Variants in CACNB4 observed in about 807,000 individuals in gnomAD.
CACNB4 encodes calcium voltage-gated channel auxiliary subunit beta 4.
In CACNB4, 32 loss-of-function variants were observed where a neutral mutation model predicts 71.2. That is an observed-to-expected ratio of 0.45 (90% CI 0.34 to 0.60). The LOEUF (loss-of-function observed/expected upper bound fraction) is 0.60, where lower values mean the gene tolerates loss of function less well. CACNB4 is among the 20% of genes least tolerant of loss of function. The pLI, the probability that CACNB4 is intolerant of heterozygous loss-of-function variation, is 0.01. For missense variants in CACNB4, 464 were observed against 647.9 expected, an observed-to-expected ratio of 0.72 and a Z score of 3.08; for synonymous variants, 231 against 236.9, an observed-to-expected ratio of 0.97 and a Z score of 0.23.
At chr2:151,925,160 G>A (rs553615598) in intron 2 of CACNB4, among the ~76,000 whole-genome samples, 9 of 152,284 alleles carry the variant, frequency 5.9e-5, no homozygotes, top group Admixed American at 2.0e-4. Context: ...GTGAACAAAT[G>A]ACTTAATTAA....
chr2:151,872,547 A>T (rs1180394613), intron 5 of CACNB4, 54 bp from the exon 6 acceptor site: 1 of 957,254 alleles, frequency 1.0e-6, no homozygotes, highest in East Asian at 2.4e-5. Flanking sequence ...TTGAAAATAG[A>T]ACTTGAGAGT....
At chr2:152,044,099 T>C (rs1474756261) in intron 2 of CACNB4, among the ~76,000 whole-genome samples, 1 of 152,212 alleles carries the variant, frequency 6.6e-6, no homozygotes, top group Non-Finnish European at 1.5e-5. Flanking sequence ...AAAATCCAAC[T>C]AAATTACTGA....
At chr2:151,880,565 A>G in intron 4 of CACNB4, 1 of 518,674 alleles carries the variant, frequency 1.9e-6, no homozygotes, top group East Asian at 3.6e-5. Flanking sequence ...TCAGAAATCT[A>G]TGCTATAATT....
In CACNB4 at chr2:152,066,127, A is replaced by T. The variant is rs1686305438; in HGVS notation, c.147+32203T>A. 3.9e-5 allele frequency among the ~76,000 whole-genome samples: 6 copies of T among 152,284 alleles called. No homozygotes were observed. The South Asian group carries it at 1.2e-3, about 32-fold the overall frequency. ...CCACATCTTACTCCAGCCTCTGCTGACGTGGCCACGTACATGCAGGCTCAA... is the reference window on the plus strand; with the variant it reads ...CCACATCTTACTCCAGCCTCTGCTGTCGTGGCCACGTACATGCAGGCTCAA... On this transcript the variant is annotated intron_variant, in intron 2 of 13. Coordinates refer to ENST00000539935, the MANE Select transcript of CACNB4 (RefSeq NM_000726.5).
At chr2:151,992,270 G>A (rs189677144) in intron 2 of CACNB4, among the ~76,000 whole-genome samples, 68 of 152,354 alleles carry the variant, frequency 4.5e-4, no homozygotes, top group Admixed American at 1.6e-3. Flanking sequence ...CACCCAAAAA[G>A]TGCCAGCCAG....
chr2:152,029,309 A>G (rs1043820432), intron 2 of CACNB4, among the ~76,000 whole-genome samples: 1 of 151,978 alleles, frequency 6.6e-6, no homozygotes, highest in Non-Finnish European at 1.5e-5. Context: ...CCTGGCCAAC[A>G]TGGTGAAGCC....
At chr2:151,982,744 T>A (rs1390417226) in intron 2 of CACNB4, among the ~76,000 whole-genome samples, 1 of 152,078 alleles carries the variant, frequency 6.6e-6, no homozygotes, top group Admixed American at 6.5e-5. Flanking sequence ...GAAGAAAAGT[T>A]AATAGGATAA....
chr2:151,963,083 C>T (rs1341379667), intron 2 of CACNB4, among the ~76,000 whole-genome samples: 3 of 151,936 alleles, frequency 2.0e-5, no homozygotes, highest in Non-Finnish European at 2.9e-5. Flanking sequence ...GAGGCCAATG[C>T]GGGCAGATCA....
intron 2 of CACNB4, among the ~76,000 whole-genome samples, chr2:152,091,719 A>G (rs1687983680): frequency 6.6e-6 from 1 of 152,124 alleles, no homozygotes; most frequent in South Asian, 2.1e-4. Context: ...CCGCTGCTCT[A>G]CTTTCCATCT....
chr2:152,088,657 A>G (rs1424380953), intron 2 of CACNB4, among the ~76,000 whole-genome samples: 1 of 152,250 alleles, frequency 6.6e-6, no homozygotes, highest in African/African-American at 2.4e-5. Context: ...AAATGATTAC[A>G]GTGAGATGAT....
intron 2 of CACNB4, among the ~76,000 whole-genome samples, chr2:152,090,000 C>G (rs934163686): frequency 5.9e-5 from 9 of 152,184 alleles, no homozygotes; most frequent in African/African-American, 1.9e-4. Context: ...TCTGTAGAGT[C>G]TTCATGAATG....
chr2:151,935,019 T>C lies in CACNB4; in HGVS notation c.148-51649A>G, dbSNP rs1173565543. ...TAAAGGTAGCAGTGATGTTTTTCTT[T>C]GTATAGTTAATACAGAGATCTGTGT... On this transcript the variant is annotated intron_variant, in intron 2 of 13. Transcript: ENST00000539935. 4.6e-5 allele frequency among the ~76,000 whole-genome samples: 7 copies of C among 152,366 alleles called. No individual in the cohort carries two copies. The East Asian group carries it at 5.8e-4, about 13-fold the overall frequency.
chr2:151,884,000 G>A (rs2099848626), intron 2 of CACNB4: 1 of 162,630 alleles, frequency 6.1e-6, no homozygotes, highest in Non-Finnish European at 1.3e-5. Flanking sequence ...CACTAGAAGA[G>A]CTATTTAAAC....
intron 2 of CACNB4, among the ~76,000 whole-genome samples, chr2:152,019,236 A>G (rs748996490): frequency 3.3e-5 from 5 of 152,226 alleles, no homozygotes; most frequent in Non-Finnish European, 5.9e-5. Context: ...CTTTGCCTTC[A>G]GTAAAATTGG....
rs2099834862 is a variant in CACNB4, at chr2:151,836,267, A to G, written c.*2852T>C. 6.6e-6 allele frequency: 1 copy of G among 151,916 alleles called. No homozygotes were observed. The highest frequency in any genetic ancestry group is 1.5e-5 in the Non-Finnish European group (1 of 67,774). The allele number at this position is 151,916 out of a possible 1,614,324, so 9.4% of individuals were successfully genotyped here. The stretch of plus-strand genomic sequence containing the variant: ...TATACTGTAAGTTAAAACAGCCTCA[A>G]AACAGTAAAAGACTTGTTTCTCTTG... On this transcript the variant is annotated 3_prime_UTR_variant, in exon 14 of 14. Transcript: ENST00000539935.
At chr2:152,074,547 C>T (rs990123925) in intron 2 of CACNB4, among the ~76,000 whole-genome samples, 17 of 151,788 alleles carry the variant, frequency 1.1e-4, no homozygotes, top group African/African-American at 2.7e-4. Context: ...AGCAGCACCA[C>T]CACAACCGTC....
intron 2 of CACNB4, among the ~76,000 whole-genome samples, chr2:152,061,827 C>G (rs1686031009): frequency 6.6e-6 from 1 of 151,810 alleles, no homozygotes. Context: ...GTCTGGCCAA[C>G]ATGGTGAAAC....
intron 12 of CACNB4, among the ~76,000 whole-genome samples, chr2:151,846,326 C>A (rs554046291): frequency 6.6e-6 from 1 of 152,174 alleles, no homozygotes; most frequent in South Asian, 2.1e-4. Flanking sequence ...TATTTCTTTT[C>A]AATTCTTTTT....
intron 2 of CACNB4, among the ~76,000 whole-genome samples, chr2:151,885,249 G>C (rs762623490): frequency 2.0e-5 from 3 of 152,246 alleles, no homozygotes; most frequent in African/African-American, 4.8e-5. Context: ...GTCTATTAAA[G>C]AGGGACAGTG....
Sources: gnomAD v4.1 joint callset for allele counts (sites outside exome capture counted in the v4.1 genomes callset) on GRCh38, gnomAD v4.1.1 for gene constraint, MANE v1.5 for transcripts, NCBI Gene and HGNC (gene_info 2026-07-23, HGNC 2026-07-21) for gene names.